The following TBC1D8 variants were observed in gnomAD, a reference collection of about 807,000 sequenced individuals.
The protein encoded by TBC1D8 is TBC1 domain family member 8.
In TBC1D8, 65 loss-of-function variants were observed where a neutral mutation model predicts 118.8. The ratio of observed to expected loss-of-function variants is 0.55; its 90% CI spans 0.45 to 0.67. TBC1D8 has a LOEUF of 0.67. TBC1D8 is among the 30% of genes least tolerant of loss of function. The pLI is 0.00. For missense variants in TBC1D8, 1,376 were observed against 1,471.2 expected, an observed-to-expected ratio of 0.94 and a Z score of 1.06; for synonymous variants, 566 against 595.8, an observed-to-expected ratio of 0.95 and a Z score of 0.73.
chr2:101,045,203 T>C (rs531831612), intron 5 of TBC1D8, among the ~76,000 whole-genome samples: 1 of 152,318 alleles, frequency 6.6e-6, no homozygotes, highest in Admixed American at 6.5e-5. Context: ...AAGTTACACT[T>C]ACACATTCTT....
chr2:101,106,701 T>G (rs1677241881), intron 1 of TBC1D8, among the ~76,000 whole-genome samples: 1 of 152,220 alleles, frequency 6.6e-6, no homozygotes, highest in Non-Finnish European at 1.5e-5. Context: ...CTTTGAATTT[T>G]GAACTTTCAC....
At chr2:101,106,213 A>G (rs1249728412) in intron 1 of TBC1D8, among the ~76,000 whole-genome samples, 1 of 152,202 alleles carries the variant, frequency 6.6e-6, no homozygotes, top group Non-Finnish European at 1.5e-5. Flanking sequence ...TGCTAGAGGG[A>G]AAAGGTTAAA....
At chr2:101,058,391 A>G (rs1682562040) in intron 3 of TBC1D8, among the ~76,000 whole-genome samples, 1 of 152,234 alleles carries the variant, frequency 6.6e-6, no homozygotes, top group Non-Finnish European at 1.5e-5. Flanking sequence ...CTTTTTGCAG[A>G]AAACAAACAA....
At chr2:101,098,398 CTT>C (rs1158015335) in intron 1 of TBC1D8, among the ~76,000 whole-genome samples, 2 of 151,722 alleles carry the variant, frequency 1.3e-5, no homozygotes, top group Non-Finnish European at 2.9e-5. Flanking sequence ...AAGAGAGAGA[CTT>C]AGACTGCCAA....
At chr2:101,043,444 C>G (rs934354082) in intron 5 of TBC1D8, among the ~76,000 whole-genome samples, 54 of 152,334 alleles carry the variant, frequency 3.5e-4, no homozygotes, top group African/African-American at 1.2e-3. Flanking sequence ...ACGTATCTCA[C>G]AAACGTGGTT....
chr2:101,085,849 A>AC (rs1458428544), intron 2 of TBC1D8, among the ~76,000 whole-genome samples: 3 of 152,134 alleles, frequency 2.0e-5, no homozygotes, highest in Non-Finnish European at 2.9e-5. Context: ...GATCAAAACA[A>AC]CTTGACAACA....
intron 1 of TBC1D8, among the ~76,000 whole-genome samples, chr2:101,120,598 G>A (rs918441662): frequency 2.0e-5 from 3 of 152,200 alleles, no homozygotes; most frequent in Admixed American, 6.5e-5. Context: ...GCCAGCCTAC[G>A]TTTAGGAAGA....
intron 1 of TBC1D8, among the ~76,000 whole-genome samples, chr2:101,118,855 C>T (rs1677971852): frequency 6.6e-6 from 1 of 152,036 alleles, no homozygotes; most frequent in African/African-American, 2.4e-5. Context: ...GAAGAAAATA[C>T]AAAAATTAGC....
At chr2:101,021,979 T>C (rs1230273314) in intron 16 of TBC1D8, among the ~76,000 whole-genome samples, 1 of 152,186 alleles carries the variant, frequency 6.6e-6, no homozygotes, top group African/African-American at 2.4e-5. Context: ...CAAAACATTT[T>C]AATTTTATGG....
intron 10 of TBC1D8, chr2:101,032,840 G>A (rs1179732847): frequency 6.1e-6 from 1 of 163,312 alleles, no homozygotes; most frequent in Non-Finnish European, 1.4e-5. Flanking sequence ...TGCTTTAATG[G>A]ACTAATTTTC....
At chr2:101,106,065 A>C (rs1259464576) in intron 1 of TBC1D8, among the ~76,000 whole-genome samples, 1 of 152,168 alleles carries the variant, frequency 6.6e-6, no homozygotes, top group Non-Finnish European at 1.5e-5. Context: ...TCGAGCCATG[A>C]CTTTTCACAA....
At chr2:101,132,374 CT>C (rs1401876190) in intron 1 of TBC1D8, among the ~76,000 whole-genome samples, 5 of 152,164 alleles carry the variant, frequency 3.3e-5, no homozygotes, top group Non-Finnish European at 5.9e-5. Context: ...TGTATCTACC[CT>C]TCATATCCCC....
intron 12 of TBC1D8, among the ~76,000 whole-genome samples, chr2:101,029,234 CA>C (rs1386589054): frequency 6.6e-6 from 1 of 152,092 alleles, no homozygotes; most frequent in Non-Finnish European, 1.5e-5. Context: ...ACTAAAAATA[CA>C]AAAATTAGCC....
In TBC1D8 at chr2:101,029,731, T is replaced by C. The variant is rs1558634319; in HGVS notation, c.1982A>G (p.His661Arg). 6.2e-7 allele frequency: 1 copy of C among 1,613,998 alleles called. No homozygotes were observed. Residue 661 changes from histidine to arginine, a missense_variant, in exon 12 of 20, where the codon CAT becomes CGT. Physicochemically the swap from His to Arg is conservative, Grantham distance 29. Transcript: ENST00000409318. Reference sequence around the variant, plus strand: ...CATGTGCTCTGCCAGCTCTGGGAGATGACCCTTGATGAGCTCCTCGAAGAC... The same window carrying C: ...CATGTGCTCTGCCAGCTCTGGGAGACGACCCTTGATGAGCTCCTCGAAGAC... ...QSVFEELIKGHLPELAEHMND... is the reference protein window; with the variant it reads ...QSVFEELIKGRLPELAEHMND...
chr2:101,090,332 C>A lies in TBC1D8; in HGVS notation c.160G>T (p.Asp54Tyr), dbSNP rs371278960. The A allele has an allele frequency of 3.4e-5, 55 of 1,613,898 alleles. No homozygotes were observed. Among genetic ancestry groups the A allele is most frequent in the Non-Finnish European group, 4.6e-5 (54 of 1,179,894 alleles). The change falls in exon 2 of 20, where the codon GAT becomes TAT. Residue 54 changes from aspartate to tyrosine, a missense_variant. Coordinates refer to ENST00000409318, the MANE Select transcript of TBC1D8 (RefSeq NM_001330348.2). ...AATGGAGCGACCCGTGCATTGGAAT[C>A]CAACACTGCATCCAGAGCGCCGACC... ...RLVGALDAVLDSNARVAPFRI... is the reference protein window; with the variant it reads ...RLVGALDAVLYSNARVAPFRI...
rs1678894603 is a variant in TBC1D8, at chr2:101,137,221, C to T, written c.127+13906G>A. Among the ~76,000 whole-genome samples, 6 of 151,632 alleles carry T rather than the reference C, an allele frequency of 4.0e-5. No homozygotes were observed. The South Asian group carries it at 1.0e-3, about 26-fold the overall frequency. On this transcript the variant is annotated intron_variant, in intron 1 of 19. Coordinates refer to ENST00000409318, the MANE Select transcript of TBC1D8 (RefSeq NM_001330348.2). The stretch of plus-strand genomic sequence containing the variant: ...CTAATTTTTGTATTTTTAGTAGAGA[C>T]GGAGTTTCACCATGTTGGTCAGGCT...
At chr2:101,119,295 G>A (rs1445958426) in intron 1 of TBC1D8, among the ~76,000 whole-genome samples, 1 of 152,018 alleles carries the variant, frequency 6.6e-6, no homozygotes, top group Non-Finnish European at 1.5e-5. Flanking sequence ...GCCCCCTCCA[G>A]CCAACAGGGG....
chr2:101,131,866 C>G (rs1395766152), intron 1 of TBC1D8, among the ~76,000 whole-genome samples: 1 of 152,090 alleles, frequency 6.6e-6, no homozygotes, highest in East Asian at 1.9e-4. Flanking sequence ...ACAAGAAAAG[C>G]TGGGAGTGGT....
At chr2:101,067,951 A>G (rs1683104857) in intron 2 of TBC1D8, among the ~76,000 whole-genome samples, 1 of 152,178 alleles carries the variant, frequency 6.6e-6, no homozygotes, top group Admixed American at 6.5e-5. Context: ...ACAATGTTTC[A>G]ACAGCCTCTT....
Sources: allele counts gnomAD v4.1 joint callset (sites outside exome capture counted in the v4.1 genomes callset), GRCh38; gene constraint gnomAD v4.1.1; transcripts MANE v1.5; gene names NCBI Gene and HGNC (gene_info 2026-07-23, HGNC 2026-07-21).